The following ZMAT5 variants were observed in gnomAD, a reference collection of about 807,000 sequenced individuals.
ZMAT5 encodes the protein zinc finger matrin-type 5.
In ZMAT5, 23 loss-of-function variants were observed where a neutral mutation model predicts 28.0. The ratio of observed to expected loss-of-function variants is 0.82; its 90% CI spans 0.59 to 1.16. The LOEUF is 1.16. Ranked by LOEUF, ZMAT5 falls within the 50% of genes most tolerant of loss-of-function variation. The probability of loss-of-function intolerance (pLI) is 0.00; values close to 1 mark genes in which losing one functional copy is unlikely to be tolerated. For missense variants in ZMAT5, 173 were observed against 212.7 expected (o/e 0.81, Z 1.16); for synonymous variants, 76 against 84.1 (o/e 0.90, Z 0.52).
At chr22:29,752,903 C>T (rs910329716) in intron 1 of ZMAT5, among the ~76,000 whole-genome samples, 3 of 152,162 alleles carry the variant, frequency 2.0e-5, no homozygotes, top group African/African-American at 4.8e-5. Context: ...GGGAGACCAA[C>T]GGGCAGCACA....
In ZMAT5 at chr22:29,748,386, C is replaced by T. The variant is rs1450925489; in HGVS notation, c.127+32G>A. On this transcript the variant is annotated intron_variant, in intron 2 of 5. Transcript: ENST00000344318. Reference sequence around the variant, plus strand: ...TAAGAAAGATCAGAGAGCAGGGCTCCAGGAGCCTGGCCCCCAGCCAGCGGC... The same window carrying T: ...TAAGAAAGATCAGAGAGCAGGGCTCTAGGAGCCTGGCCCCCAGCCAGCGGC... 10 of 1,614,004 alleles carry T rather than the reference C, an allele frequency of 6.2e-6. No homozygotes were observed. The Admixed American group carries it at 1.3e-4, about 22-fold the overall frequency.
rs2068142942 is a variant in ZMAT5 at position 29,760,152 on chromosome 22, G to A, written c.-28+6720C>T. On this transcript the variant is annotated intron_variant, in intron 1 of 5. Coordinates refer to ENST00000344318, the MANE Select transcript of ZMAT5 (RefSeq NM_001003692.2). Reference sequence around the variant, plus strand: ...GGAGGCGGAGGTTGCAGCGAGCCGAGATTGCACCACTGCACTCCAGCCTGG... The same window carrying A: ...GGAGGCGGAGGTTGCAGCGAGCCGAAATTGCACCACTGCACTCCAGCCTGG... Among the ~76,000 whole-genome samples the A allele has an allele frequency of 3.3e-5, 5 of 152,048 alleles. 1 individual carries two copies. In the South Asian group the frequency reaches 8.3e-4, roughly 25 times the overall value.
chr22:29,749,291 G>A (rs1445703080), intron 1 of ZMAT5, among the ~76,000 whole-genome samples: 1 of 151,790 alleles, frequency 6.6e-6, no homozygotes, highest in Non-Finnish European at 1.5e-5. Context: ...TGTTGCAGAG[G>A]CTGGTCTCCT....
chr22:29,760,899 T>C (rs1569341728), intron 1 of ZMAT5, among the ~76,000 whole-genome samples: 1 of 152,182 alleles, frequency 6.6e-6, no homozygotes, highest in African/African-American at 2.4e-5. Flanking sequence ...GAATTAAAAA[T>C]AGAAGCATAA....
At chr22:29,751,428 G>A (rs911334574) in intron 1 of ZMAT5, among the ~76,000 whole-genome samples, 9 of 152,240 alleles carry the variant, frequency 5.9e-5, no homozygotes, top group Admixed American at 2.0e-4. Flanking sequence ...CATTAAGCAA[G>A]TGCTCAATAA....
intron 2 of ZMAT5, 136 bp downstream of exon 2, chr22:29,748,282 G>C (rs1344713450): frequency 7.6e-7 from 1 of 1,313,246 alleles, no homozygotes; most frequent in Non-Finnish European, 1.1e-6. Flanking sequence ...TGAGGGCCCA[G>C]TGGCTCAGGC....
intron 2 of ZMAT5, among the ~76,000 whole-genome samples, chr22:29,744,292 A>G (rs2067989150): frequency 6.6e-6 from 1 of 151,810 alleles, no homozygotes; most frequent in South Asian, 2.1e-4. Context: ...TGAACAGCGC[A>G]AACATCCCCA....
chr22:29,732,695 G>A (rs2067861298), intron 5 of ZMAT5, among the ~76,000 whole-genome samples: 2 of 146,260 alleles, frequency 1.4e-5, no homozygotes, highest in Non-Finnish European at 3.0e-5. Flanking sequence ...AGCCGAGATC[G>A]CGCCACTGCA....
In ZMAT5 at chr22:29,731,370, GA is replaced by G; in HGVS notation, c.384-17del. ...GGGTTCAGCCCTAGAGAGAGAGAGA[GA>G]AGCGGGGAGAATAAGAGTGCACTAC... On this transcript the variant is annotated splice_polypyrimidine_tract_variant and intron_variant, in intron 5 of 5. Coordinates refer to ENST00000344318, the MANE Select transcript of ZMAT5 (RefSeq NM_001003692.2). 6.5e-7 allele frequency: 1 copy of G among 1,542,510 alleles called. No homozygotes were observed.
At chr22:29,766,047 G>C (rs1367161369) in intron 1 of ZMAT5, among the ~76,000 whole-genome samples, 3 of 152,142 alleles carry the variant, frequency 2.0e-5, no homozygotes, top group Admixed American at 2.0e-4. Context: ...AGACTCCTTG[G>C]CCAGACGCGG....
chr22:29,756,595 T>C (rs1343333414), intron 1 of ZMAT5, among the ~76,000 whole-genome samples: 1 of 152,148 alleles, frequency 6.6e-6, no homozygotes, highest in Non-Finnish European at 1.5e-5. Context: ...AAGAAAGTCC[T>C]GATTCAGACT....
At chr22:29,738,791 T>C (rs1398921646) in intron 4 of ZMAT5, among the ~76,000 whole-genome samples, 1 of 151,672 alleles carries the variant, frequency 6.6e-6, no homozygotes, top group East Asian at 1.9e-4. Context: ...ATCACCTGAG[T>C]CCAGGAGTTT....
At chr22:29,749,838 C>A (rs756497708) in intron 1 of ZMAT5, among the ~76,000 whole-genome samples, 2 of 152,134 alleles carry the variant, frequency 1.3e-5, no homozygotes, top group Non-Finnish European at 2.9e-5. Context: ...TTGCTCAGCA[C>A]TTCTCTCTCC....
Position 29,748,568 on chromosome 22 carries a change from C to A in ZMAT5, c.-24G>T, listed in dbSNP as rs766878190. 5.6e-6 allele frequency: 9 copies of A among 1,613,476 alleles called. No homozygotes were observed. The highest frequency in any genetic ancestry group is 7.6e-6 in the Non-Finnish European group (9 of 1,179,954). On this transcript the variant is annotated 5_prime_UTR_variant, in exon 2 of 6. Transcript: ENST00000344318. The stretch of plus-strand genomic sequence containing the variant: ...ATGGCCACTCAGAGCAGGTGCTTTG[C>A]TGCCTGGGAAGCCACAAAGAGCTCA...
intron 1 of ZMAT5, among the ~76,000 whole-genome samples, chr22:29,758,287 T>C (rs2068122784): frequency 6.6e-6 from 1 of 152,200 alleles, no homozygotes; most frequent in South Asian, 2.1e-4. Flanking sequence ...AGCGCCCAGA[T>C]TCCTGACCCT....
chr22:29,748,014 CA>C lies in ZMAT5; in HGVS notation c.127+403del, dbSNP rs1427151693. ...CCACAGGCTTGGAAGATCCCTGCCCCAGAGCCAGCTTGAGCCCTACCATTCT... is the reference window on the plus strand; with the variant it reads ...CCACAGGCTTGGAAGATCCCTGCCCCGAGCCAGCTTGAGCCCTACCATTCT... On this transcript the variant is annotated intron_variant, in intron 2 of 5. Transcript: ENST00000344318. The C allele has an allele frequency of 7.1e-5, 21 of 295,230 alleles. No homozygotes were observed. The Admixed American group carries it at 9.4e-4, about 13-fold the overall frequency. 18.3% of individuals were successfully genotyped at this position (295,230 alleles called of 1,614,324 possible).
intron 2 of ZMAT5, chr22:29,746,279 G>C (rs1382671062): frequency 6.6e-6 from 1 of 152,128 alleles, no homozygotes; most frequent in Non-Finnish European, 1.5e-5. Flanking sequence ...CTCCAAAGTA[G>C]CTGGGATTAC....
At chr22:29,750,465 C>T (rs2068046386) in intron 1 of ZMAT5, among the ~76,000 whole-genome samples, 3 of 152,204 alleles carry the variant, frequency 2.0e-5, no homozygotes, top group Admixed American at 6.5e-5. Context: ...ATGGTGACCA[C>T]AGCCACCACT....
intron 1 of ZMAT5, among the ~76,000 whole-genome samples, chr22:29,765,796 A>T (rs1038550410): frequency 1.3e-5 from 2 of 152,024 alleles, no homozygotes; most frequent in African/African-American, 4.8e-5. Context: ...TGAACCCGGG[A>T]GGCGGAGGTT....
Sources: gnomAD v4.1 joint callset for allele counts (sites outside exome capture counted in the v4.1 genomes callset) on GRCh38, gnomAD v4.1.1 for gene constraint, MANE v1.5 for transcripts, NCBI Gene and HGNC (gene_info 2026-07-23, HGNC 2026-07-21) for gene names.